Variants in IL3 observed in about 807,000 individuals in gnomAD.
IL3 encodes the protein interleukin 3, also known as interleukin-3.
IL3 carries 15 observed loss-of-function variants against 15.4 expected under a neutral mutation model. The observed-to-expected ratio is 0.97, with a 90% CI of 0.65 to 1.50. The LOEUF (loss-of-function observed/expected upper bound fraction) is 1.50. IL3 is among the 40% of genes most tolerant of loss of function. The pLI is 0.00. For synonymous variants in IL3, 74 were observed against 79.3 expected (o/e 0.93, Z 0.36); for missense variants, 162 against 192.2 (o/e 0.84, Z 0.93).
chr5:132,062,013 C>A (rs933995505), intron 2 of IL3, among the ~76,000 whole-genome samples: 2 of 152,210 alleles, frequency 1.3e-5, no homozygotes, highest in Non-Finnish European at 2.9e-5. Flanking sequence ...CTGCCTGCCT[C>A]GGCCTCCCAA....
rs760072109 is a variant in IL3 at position 132,061,000 on chromosome 5, A to G, written c.196A>G (p.Ile66Val). The G allele has an allele frequency of 1.9e-6, 3 of 1,613,932 alleles. No individual in the cohort carries two copies. The African/African-American group carries it at 4.0e-5, about 22-fold the overall frequency. The change falls in exon 2 of 5, where the codon ATT becomes GTT. Residue 66 changes from isoleucine (I) to valine (V), a missense_variant. By Grantham distance (29) the Ile-to-Val change is conservative (BLOSUM62 3). Coordinates refer to ENST00000296870, the MANE Select transcript of IL3 (RefSeq NM_000588.4). Reference protein sequence around the residue: ...FNNLNGEDQDILMENNLRRPN... With the variant: ...FNNLNGEDQDVLMENNLRRPN... ...CAACCTCAATGGGGAAGACCAAGAC[A>G]TTCTGATGGTAAGAGCTCAGCCCGT...
Position 132,060,872 on chromosome 5 carries a change from AG to A in IL3, c.162+5del. On this transcript the variant is annotated splice_donor_5th_base_variant and intron_variant, in intron 1 of 4. Transcript: ENST00000296870. ...GCAGCCACCTTTGCCTTTGCTGGTGAGTAGCTTGGATAAGACTGGCCTGCAG... is the reference window on the plus strand; with the variant it reads ...GCAGCCACCTTTGCCTTTGCTGGTGATAGCTTGGATAAGACTGGCCTGCAG... 1 of 1,613,622 alleles carries A rather than the reference AG, an allele frequency of 6.2e-7. No homozygotes were observed. The highest frequency in any genetic ancestry group is 8.5e-7 in the Non-Finnish European group (1 of 1,179,492).
intron 2 of IL3, among the ~76,000 whole-genome samples, chr5:132,061,779 T>A (rs1023554235): frequency 1.3e-5 from 2 of 151,044 alleles, no homozygotes; most frequent in Non-Finnish European, 3.0e-5. Flanking sequence ...TTTTTTTTTT[T>A]TTTTTTGAGA....
chr5:132,062,031 G>C (rs1756488941), intron 2 of IL3, among the ~76,000 whole-genome samples: 1 of 152,222 alleles, frequency 6.6e-6, no homozygotes, highest in African/African-American at 2.4e-5. Context: ...CAAAGTGCTG[G>C]GATTACAGGC....
Position 132,060,994 on chromosome 5 carries a change from C to G in IL3, c.190C>G (p.Gln64Glu). ...LDFNNLNGED[Q>E]DILMENNLRR... Reference sequence around the variant, plus strand: ...CTTCAACAACCTCAATGGGGAAGACCAAGACATTCTGATGGTAAGAGCTCA... The same window carrying G: ...CTTCAACAACCTCAATGGGGAAGACGAAGACATTCTGATGGTAAGAGCTCA... The change falls in exon 2 of 5, where the codon CAA (glutamine) becomes GAA (glutamate). Residue 64 changes from glutamine to glutamate, a missense_variant. Transcript: ENST00000296870. The G allele has an allele frequency of 3.1e-6, 5 of 1,614,146 alleles. No individual in the cohort carries two copies. Among genetic ancestry groups the G allele is most frequent in the Non-Finnish European group, 4.2e-6 (5 of 1,179,988 alleles).
chr5:132,062,277 C>T (rs1211205778), intron 2 of IL3, 35 bp from the exon 3 acceptor site: 6 of 1,519,696 alleles, frequency 3.9e-6, no homozygotes, highest in Non-Finnish European at 5.5e-6. Context: ...TACTCTGTAA[C>T]CTTTCCCCCT....
chr5:132,062,645 G>A (rs754203115), intron 4 of IL3, 24 bp from the exon 5 acceptor site: 2 of 1,614,002 alleles, frequency 1.2e-6, no homozygotes, highest in Admixed American at 1.7e-5. Flanking sequence ...CTCACCTAAT[G>A]CCACCTTCTT....
intron 2 of IL3, 58 bp from the exon 3 acceptor site, chr5:132,062,254 C>A: frequency 7.3e-7 from 1 of 1,367,512 alleles, no homozygotes; most frequent in South Asian, 1.2e-5. Flanking sequence ...CTTCCACCTG[C>A]TTGTGGGAGG....
chr5:132,062,208 G>A, intron 2 of IL3, 104 bp from the exon 3 acceptor site: 1 of 925,446 alleles, frequency 1.1e-6, no homozygotes, highest in African/African-American at 1.6e-5. Flanking sequence ...ACCCGAGGAT[G>A]TCCCCAACAG....
At position 132,060,750 on chromosome 5, in the gene IL3, GCCCCGGACT is replaced by G; in HGVS notation, c.47_55del (p.Pro16_Leu18del). The G allele has an allele frequency of 4.3e-6, 7 of 1,613,820 alleles. No individual in the cohort carries two copies. Among genetic ancestry groups the G allele is most frequent in the Non-Finnish European group, 5.9e-6 (7 of 1,179,964 alleles). On this transcript the variant is annotated inframe_deletion, in exon 1 of 5. Coordinates refer to ENST00000296870, the MANE Select transcript of IL3 (RefSeq NM_000588.4). ...CTGCTCCTGCTCCAACTCCTGGTCC[GCCCCGGACT>G]CCAAGCTCCCATGACCCAGACAACG...
rs555678886 is a variant in IL3 at position 132,062,183 on chromosome 5, C to T, written c.205-129C>T. The stretch of plus-strand genomic sequence containing the variant: ...GGCAGGGACCCACCTGAGGCAAGAA[C>T]GGGACTAGGAGGGAACCCGAGGATG... On this transcript the variant is annotated intron_variant, in intron 2 of 4. Transcript: ENST00000296870. The T allele has an allele frequency of 4.1e-5, 32 of 772,516 alleles. No homozygotes were observed. The African/African-American group carries it at 4.3e-4, about 10-fold the overall frequency. The allele number at this position is 772,516 out of a possible 1,614,324, so 47.9% of individuals were successfully genotyped here.
Position 132,062,299 on chromosome 5 carries a change from T to C in IL3, c.205-13T>C. ...TAACCTTTCCCCCTTAAGTGTATTC[T>C]CTGCCCCGTTAGGAAAATAACCTTC... is the stretch of plus-strand genomic sequence containing the variant. On this transcript the variant is annotated splice_polypyrimidine_tract_variant and intron_variant, in intron 2 of 4. Transcript: ENST00000296870. The C allele has an allele frequency of 6.2e-7, 1 of 1,604,116 alleles. No individual in the cohort carries two copies. The highest frequency in any genetic ancestry group is 8.5e-7 in the Non-Finnish European group (1 of 1,170,790).
In IL3 at chr5:132,061,024, G is replaced by A. The variant is rs2069788; in HGVS notation, c.204+16G>A. 2,707 of 1,613,296 alleles carry A rather than the reference G, an allele frequency of 1.7e-3. 41 individuals carry two copies. In the African/African-American group the frequency reaches 0.032, roughly 19 times the overall value. On this transcript the variant is annotated intron_variant, in intron 2 of 4. Coordinates refer to ENST00000296870, the MANE Select transcript of IL3 (RefSeq NM_000588.4). ...CATTCTGATGGTAAGAGCTCAGCCC[G>A]TGGATCCCGATCCACTTCCTGCCTG...
In IL3 at chr5:132,060,949, C is replaced by T. The variant is rs1189962808; in HGVS notation, c.163-18C>T. 6.2e-7 allele frequency: 1 copy of T among 1,614,008 alleles called. No homozygotes were observed. Among genetic ancestry groups the T allele is most frequent in the Non-Finnish European group, 8.5e-7 (1 of 1,179,826 alleles). ...GCCAAAAGGCCTCATGGGCCTTTCT[C>T]TCCCTTCACCCCCACAGGACTTCAA... On this transcript the variant is annotated intron_variant, in intron 1 of 4. Coordinates refer to ENST00000296870, the MANE Select transcript of IL3 (RefSeq NM_000588.4).
At chr5:132,061,346 T>C (rs1035623587) in intron 2 of IL3, among the ~76,000 whole-genome samples, 2 of 152,248 alleles carry the variant, frequency 1.3e-5, no homozygotes, top group Non-Finnish European at 2.9e-5. Flanking sequence ...AATTTCCCCC[T>C]CAGATGTGCC....
Position 132,063,035 on chromosome 5 carries a change from T to C in IL3, c.*244T>C. The C allele has an allele frequency of 2.2e-6, 1 of 457,066 alleles. No homozygotes were observed. The highest frequency in any genetic ancestry group is 3.8e-6 in the Non-Finnish European group (1 of 259,832). 28.3% of individuals were successfully genotyped at this position (457,066 alleles called of 1,614,324 possible). ...TTGAGACTATTTATTTATGTATGTA[T>C]GTATTTATTTATTTATTGCCTGGAG... On this transcript the variant is annotated 3_prime_UTR_variant, in exon 5 of 5. Transcript: ENST00000296870.
intron 1 of IL3, 40 bp from the exon 2 acceptor site, chr5:132,060,927 A>C: frequency 6.2e-7 from 1 of 1,611,452 alleles, no homozygotes; most frequent in Non-Finnish European, 8.5e-7. Context: ...GCCTAAGGCC[A>C]AAAGGCCTCA....
chr5:132,060,750 G>C lies in IL3; in HGVS notation c.44G>C (p.Arg15Pro). The C allele has an allele frequency of 6.2e-7, 1 of 1,613,820 alleles. No homozygotes were observed. The highest frequency in any genetic ancestry group is 8.5e-7 in the Non-Finnish European group (1 of 1,179,964). The change falls in exon 1 of 5, where the codon CGC becomes CCC. Residue 15 changes from arginine to proline, a missense_variant. Coordinates refer to ENST00000296870, the MANE Select transcript of IL3 (RefSeq NM_000588.4). ...PVLLLLQLLV[R>P]PGLQAPMTQT... ...CTGCTCCTGCTCCAACTCCTGGTCC[G>C]CCCCGGACTCCAAGCTCCCATGACC...
Position 132,063,152 on chromosome 5 carries a change from C to T in IL3, c.*361C>T, listed in dbSNP as rs80157442. On this transcript the variant is annotated 3_prime_UTR_variant, in exon 5 of 5. Transcript: ENST00000296870. ...GTGGGGAGCATGTTCATTTGTACCT[C>T]GAGTTTTAAACTGGTTCCTAGGGAT... 323 of 200,784 alleles carry T rather than the reference C, an allele frequency of 1.6e-3. 1 individual carries two copies. Among genetic ancestry groups the T allele is most frequent in the African/African-American group, 7.1e-3 (305 of 42,820 alleles). The allele number at this position is 200,784 out of a possible 1,614,324, so 12.4% of individuals were successfully genotyped here.
Sources: gnomAD v4.1 joint callset for allele counts (sites outside exome capture counted in the v4.1 genomes callset) on GRCh38, gnomAD v4.1.1 for gene constraint, MANE v1.5 for transcripts, NCBI Gene and HGNC (gene_info 2026-07-23, HGNC 2026-07-21) for gene names.